C1QTNF3: variants seen among roughly 807,000 people sequenced by gnomAD.
The protein encoded by C1QTNF3 is C1q and TNF related 3.
C1QTNF3 carries 26 observed loss-of-function variants against 32.6 expected under a neutral mutation model. The ratio of observed to expected loss-of-function variants is 0.80; its 90% CI spans 0.58 to 1.11. The LOEUF (loss-of-function observed/expected upper bound fraction) is 1.11, where lower values mean the gene tolerates loss of function less well. Among genes scored for constraint, C1QTNF3 ranks in the 50% least tolerant of loss-of-function variants. C1QTNF3 has a pLI of 0.00. For synonymous variants in C1QTNF3, 155 were observed against 146.0 expected, an observed-to-expected ratio of 1.06 and a Z score of -0.44; for missense variants, 362 against 398.2, an observed-to-expected ratio of 0.91 and a Z score of 0.77.
chr5:34,200,489 T>G, the C1QTNF3 span: 3 of 152,076 alleles, frequency 2.0e-5, no homozygotes, highest in African/African-American at 7.2e-5. Flanking sequence ...AATTTTGCAG[T>G]ATCCCTTCTT....
chr5:34,073,270 T>G, the C1QTNF3 span, among the ~76,000 whole-genome samples: 1 of 148,432 alleles, frequency 6.7e-6, no homozygotes, highest in Non-Finnish European at 1.5e-5. Context: ...GAGCTTGCAG[T>G]GAGCCGAGAT....
chr5:34,175,470 C>G, the C1QTNF3 span: 1 of 236,854 alleles, frequency 4.2e-6, no homozygotes, highest in African/African-American at 2.3e-5. Context: ...CTTTTACCCT[C>G]CTCTGGAATG....
At chr5:34,094,930 CA>C in the C1QTNF3 span, among the ~76,000 whole-genome samples, 2 of 149,242 alleles carry the variant, frequency 1.3e-5, no homozygotes, top group Non-Finnish European at 3.0e-5. Flanking sequence ...AATGAGTAGT[CA>C]ATAGAAAATG....
chr5:34,211,624 G>A, the C1QTNF3 span, among the ~76,000 whole-genome samples: 1 of 143,626 alleles, frequency 7.0e-6, no homozygotes, highest in Admixed American at 7.6e-5. Context: ...TCCCACGTAT[G>A]AGTGAGAACA....
chr5:34,029,893 AG>A (rs966357492), intron 3 of C1QTNF3, among the ~76,000 whole-genome samples: 2 of 152,250 alleles, frequency 1.3e-5, no homozygotes, highest in Non-Finnish European at 2.9e-5. Flanking sequence ...CATATTTAAA[AG>A]TAACATGTAT....
intron 1 of C1QTNF3, among the ~76,000 whole-genome samples, chr5:34,042,082 A>T (rs1284108446): frequency 6.6e-6 from 1 of 151,060 alleles, no homozygotes; most frequent in East Asian, 1.9e-4. Flanking sequence ...AGTTTCACCA[A>T]TTTGCAATTC....
the C1QTNF3 span, among the ~76,000 whole-genome samples, chr5:34,174,038 A>G: frequency 1.3e-5 from 2 of 152,244 alleles, no homozygotes; most frequent in Non-Finnish European, 2.9e-5. Flanking sequence ...GATTTGGCTT[A>G]TATGATCTCA....
At chr5:34,158,696 A>C in the C1QTNF3 span, 1 of 152,166 alleles carries the variant, frequency 6.6e-6, no homozygotes, top group African/African-American at 2.4e-5. Context: ...GAATGCAGAA[A>C]TTCCAAACCT....
the C1QTNF3 span, among the ~76,000 whole-genome samples, chr5:34,104,840 T>G: frequency 6.6e-6 from 1 of 151,722 alleles, no homozygotes. Context: ...CCCTGCCTGT[T>G]TTATTTTAAT....
intron 1 of C1QTNF3, among the ~76,000 whole-genome samples, chr5:34,041,780 C>T (rs950710683): frequency 4.6e-5 from 7 of 151,948 alleles, no homozygotes; most frequent in Admixed American, 1.3e-4. Context: ...GGGTTAGTTT[C>T]AAATCTGCAA....
chr5:34,026,123 C>T (rs1754452198), intron 4 of C1QTNF3, among the ~76,000 whole-genome samples: 1 of 152,152 alleles, frequency 6.6e-6, no homozygotes, highest in African/African-American at 2.4e-5. Context: ...AAATAAATAT[C>T]CACGTTCTGC....
At chr5:34,142,444 AACAG>A in the C1QTNF3 span, among the ~76,000 whole-genome samples, 1 of 151,020 alleles carries the variant, frequency 6.6e-6, no homozygotes, top group African/African-American at 2.4e-5. Flanking sequence ...AAAAAAAAAA[AACAG>A]AAAAGAAAAG....
At chr5:34,231,498 CTGTT>C in the C1QTNF3 span, among the ~76,000 whole-genome samples, 1 of 152,166 alleles carries the variant, frequency 6.6e-6, no homozygotes, top group African/African-American at 2.4e-5. Flanking sequence ...CAGCATACAA[CTGTT>C]TGGTTAGTAT....
At chr5:34,171,461 T>C in the C1QTNF3 span, among the ~76,000 whole-genome samples, 3 of 152,210 alleles carry the variant, frequency 2.0e-5, no homozygotes, top group East Asian at 5.8e-4. Context: ...TAGGGACATT[T>C]GTATATTTCT....
chr5:34,066,610 G>A, the C1QTNF3 span, among the ~76,000 whole-genome samples: 5 of 151,294 alleles, frequency 3.3e-5, no homozygotes, highest in East Asian at 1.9e-4. Context: ...TGATAATGAC[G>A]GCGAAATTTA....
In C1QTNF3 at chr5:34,019,385, G is replaced by C. The variant is rs1754271975; in HGVS notation, c.*1198C>G. ...ACAACCAAACCTTGTGTGTCACTAA[G>C]GTGAAAACTTAGAATTTAAGCATGA... On this transcript the variant is annotated 3_prime_UTR_variant, in exon 6 of 6. Transcript: ENST00000382065. 6.6e-6 allele frequency: 1 copy of C among 152,234 alleles called. No homozygotes were observed. Among genetic ancestry groups the C allele is most frequent in the East Asian group, 1.9e-4 (1 of 5,192 alleles). The allele number at this position is 152,234 out of a possible 1,614,324, so 9.4% of individuals were successfully genotyped here. A position where few individuals can be genotyped will look rare whatever the true frequency, so the allele number is the denominator to read the frequency against.
At chr5:34,242,296 T>C in the C1QTNF3 span, among the ~76,000 whole-genome samples, 11 of 152,198 alleles carry the variant, frequency 7.2e-5, no homozygotes, top group Non-Finnish European at 1.5e-4. Context: ...ACCATGATAC[T>C]GTTACAAAAG....
At chr5:34,075,184 G>A in the C1QTNF3 span, among the ~76,000 whole-genome samples, 1 of 151,802 alleles carries the variant, frequency 6.6e-6, no homozygotes, top group Non-Finnish European at 1.5e-5. Flanking sequence ...TATTTTGTTA[G>A]ATATGGATAT....
the C1QTNF3 span, among the ~76,000 whole-genome samples, chr5:34,155,876 C>A: frequency 6.6e-6 from 1 of 151,924 alleles, no homozygotes; most frequent in Admixed American, 6.6e-5. Flanking sequence ...GATGAGCAAA[C>A]CTGTGTACTA....
Sources: allele counts gnomAD v4.1 joint callset (sites outside exome capture counted in the v4.1 genomes callset), GRCh38; gene constraint gnomAD v4.1.1; transcripts MANE v1.5; gene names NCBI Gene and HGNC (gene_info 2026-07-23, HGNC 2026-07-21).